The following DMXL1 variants were observed in gnomAD, a reference collection of about 807,000 sequenced individuals.
DMXL1 encodes dmX-like protein 1.
DMXL1 carries 99 observed loss-of-function variants against 319.2 expected under a neutral mutation model. That is an observed-to-expected ratio of 0.31 (90% CI 0.26 to 0.37). DMXL1 has a LOEUF of 0.37. Among genes scored for constraint, DMXL1 ranks in the 10% least tolerant of loss-of-function variants. The pLI is 1.00. For synonymous variants in DMXL1, 1,385 were observed against 1,235.2 expected, an observed-to-expected ratio of 1.12 and a Z score of -2.54; for missense variants, 3,745 against 3,595.6, an observed-to-expected ratio of 1.04 and a Z score of -1.06.
In DMXL1 at chr5:119,170,769, CAG is replaced by C. The variant is rs1774382101; in HGVS notation, c.5980_5981del (p.Asp1994Ter). ...GAACTAAAACCTTTACAGAGAAAAACAGATAAAAAGTTGGATGACATAAGTTC... is the reference window on the plus strand; with the variant it reads ...GAACTAAAACCTTTACAGAGAAAAACATAAAAAGTTGGATGACATAAGTTC... On this transcript the variant is annotated frameshift_variant, in exon 24 of 44. Transcript: ENST00000539542. LOFTEE classifies it high-confidence loss of function. 6.2e-7 allele frequency: 1 copy of C among 1,611,822 alleles called. No homozygotes were observed. Among genetic ancestry groups the C allele is most frequent in the Admixed American group, 1.7e-5 (1 of 59,642 alleles).
chr5:119,140,287 G>A (rs1767012512), intron 13 of DMXL1, among the ~76,000 whole-genome samples: 1 of 152,094 alleles, frequency 6.6e-6, no homozygotes. Flanking sequence ...TGAACTGAAG[G>A]AAATCGAAAC....
intron 34 of DMXL1, 80 bp from the exon 35 acceptor site, chr5:119,216,821 A>G: frequency 1.3e-6 from 1 of 744,154 alleles, no homozygotes. Flanking sequence ...TTATGCAAGT[A>G]CTAATTGATA....
chr5:119,090,559 G>GTTT (rs200712247), intron 1 of DMXL1, among the ~76,000 whole-genome samples: 9 of 118,462 alleles, frequency 7.6e-5, no homozygotes, highest in African/African-American at 2.2e-4. Context: ...TTTCTCCTCT[G>GTTT]TTTTTTTTTT....
intron 3 of DMXL1, among the ~76,000 whole-genome samples, chr5:119,103,233 G>T (rs920555611): frequency 6.6e-6 from 1 of 152,080 alleles, no homozygotes; most frequent in African/African-American, 2.4e-5. Flanking sequence ...TATCTATTCA[G>T]TCTTGATGGG....
At chr5:119,178,331 T>A in intron 28 of DMXL1, 87 bp downstream of exon 28, 1 of 1,430,076 alleles carries the variant, frequency 7.0e-7, no homozygotes, top group Non-Finnish European at 9.5e-7. Context: ...AATTTAGTTA[T>A]AGAAAGTTCT....
chr5:119,130,116 A>G (rs1437572709), intron 10 of DMXL1, among the ~76,000 whole-genome samples: 2 of 151,676 alleles, frequency 1.3e-5, no homozygotes, highest in African/African-American at 4.8e-5. Flanking sequence ...TTTTGTTTTA[A>G]TTTGTTTAAT....
chr5:119,218,149 G>A (rs1784013535), intron 35 of DMXL1, among the ~76,000 whole-genome samples: 1 of 152,068 alleles, frequency 6.6e-6, no homozygotes, highest in African/African-American at 2.4e-5. Flanking sequence ...GGCCAAGGCA[G>A]TAGGATCACT....
intron 21 of DMXL1, among the ~76,000 whole-genome samples, chr5:119,165,756 A>G (rs1312745737): frequency 1.3e-5 from 2 of 152,242 alleles, no homozygotes; most frequent in Admixed American, 1.3e-4. Flanking sequence ...CTGTTTGTAA[A>G]ACCAACAAGT....
chr5:119,240,312 A>G, intron 41 of DMXL1, 107 bp from the exon 42 acceptor site: 1 of 658,748 alleles, frequency 1.5e-6, no homozygotes, highest in East Asian at 2.7e-5. Context: ...TATAAATTTA[A>G]GAACCTTCTG....
intron 7 of DMXL1, among the ~76,000 whole-genome samples, chr5:119,116,752 G>A (rs868556991): frequency 1.4e-4 from 21 of 152,076 alleles, no homozygotes; most frequent in Non-Finnish European, 1.3e-4. Context: ...TTATTAAGAG[G>A]ATATATCATG....
At chr5:119,100,522 A>G (rs1757014456) in intron 2 of DMXL1, 1 of 151,810 alleles carries the variant, frequency 6.6e-6, no homozygotes, top group Non-Finnish European at 1.5e-5. Context: ...CTACCACCTA[A>G]TTCATTTTTC....
intron 20 of DMXL1, 120 bp downstream of exon 20, chr5:119,164,796 A>G: frequency 2.5e-6 from 2 of 812,578 alleles, no homozygotes; most frequent in Non-Finnish European, 3.8e-6. Context: ...AAGGCTTTTG[A>G]ATAGTCTTTA....
intron 1 of DMXL1, among the ~76,000 whole-genome samples, chr5:119,076,174 A>G (rs928236026): frequency 2.0e-5 from 3 of 152,174 alleles, no homozygotes; most frequent in Non-Finnish European, 2.9e-5. Flanking sequence ...TATAGCTCCA[A>G]TTTCCCTTTA....
At chr5:119,190,750 T>A (rs1778569150) in intron 29 of DMXL1, among the ~76,000 whole-genome samples, 1 of 152,202 alleles carries the variant, frequency 6.6e-6, no homozygotes, top group African/African-American at 2.4e-5. Context: ...TTAGTGAAAG[T>A]GAACTTATAA....
intron 38 of DMXL1, among the ~76,000 whole-genome samples, chr5:119,232,547 A>G (rs1482946238): frequency 6.6e-6 from 1 of 152,180 alleles, no homozygotes; most frequent in Admixed American, 6.6e-5. Flanking sequence ...ACAACTGTCC[A>G]GTGACTTATA....
intron 1 of DMXL1, among the ~76,000 whole-genome samples, chr5:119,092,337 C>G (rs977781424): frequency 1.3e-5 from 2 of 151,554 alleles, no homozygotes; most frequent in African/African-American, 2.4e-5. Context: ...CCAGGCTGAT[C>G]TCAAACTCCT....
intron 13 of DMXL1, among the ~76,000 whole-genome samples, chr5:119,137,814 T>G (rs1052715291): frequency 6.6e-6 from 1 of 152,190 alleles, no homozygotes; most frequent in African/African-American, 2.4e-5. Flanking sequence ...TCTCAGGTAT[T>G]TATTTATAGC....
chr5:119,221,679 A>G (rs1352491204), intron 37 of DMXL1, among the ~76,000 whole-genome samples: 1 of 152,090 alleles, frequency 6.6e-6, no homozygotes. Context: ...AGTCCTTTAT[A>G]AAAAAAGGTT....
intron 1 of DMXL1, among the ~76,000 whole-genome samples, chr5:119,087,246 G>A (rs752255613): frequency 5.9e-5 from 9 of 151,472 alleles, no homozygotes; most frequent in Non-Finnish European, 1.3e-4. Flanking sequence ...TCCTTGAGGT[G>A]CATTATTAGG....
Sources: allele counts gnomAD v4.1 joint callset (sites outside exome capture counted in the v4.1 genomes callset), GRCh38; gene constraint gnomAD v4.1.1; transcripts MANE v1.5; gene names NCBI Gene and HGNC (gene_info 2026-07-23, HGNC 2026-07-21).